The following CDH12 variants were observed in gnomAD, a reference collection of about 807,000 sequenced individuals.
The protein encoded by CDH12 is cadherin-12.
A neutral mutation model predicts 74.1 loss-of-function variants in CDH12; 41 were observed. The observed-to-expected ratio is 0.55, with a 90% CI of 0.43 to 0.72. CDH12 has a LOEUF of 0.72. CDH12 is among the 30% of genes least tolerant of loss of function. The probability of loss-of-function intolerance (pLI) is 0.00; values close to 1 mark genes in which losing one functional copy is unlikely to be tolerated. For missense variants in CDH12, 945 were observed against 977.2 expected (o/e 0.97, Z 0.44); for synonymous variants, 399 against 355.0 (o/e 1.12, Z -1.39).
intron 1 of CDH12, among the ~76,000 whole-genome samples, chr5:22,664,091 T>C (rs1424802702): frequency 6.6e-6 from 1 of 152,212 alleles, no homozygotes; most frequent in Non-Finnish European, 1.5e-5. Context: ...AAATATTTAA[T>C]GGATTATCAA....
chr5:22,249,638 A>T (rs953262274), intron 3 of CDH12, among the ~76,000 whole-genome samples: 1 of 152,200 alleles, frequency 6.6e-6, no homozygotes, highest in Non-Finnish European at 1.5e-5. Context: ...TTCAGAATGG[A>T]ATCATCAACC....
Position 22,175,848 on chromosome 5 carries a change from G to GT in CDH12, c.-187+36649_-187+36650insA, listed in dbSNP as rs1276993787. Among the ~76,000 whole-genome samples, 6 of 152,060 alleles carry GT rather than the reference G, an allele frequency of 3.9e-5. No homozygotes were observed. In the South Asian group the frequency reaches 1.0e-3, roughly 26 times the overall value. On this transcript the variant is annotated intron_variant, in intron 4 of 14. Transcript: ENST00000382254. The stretch of plus-strand genomic sequence containing the variant: ...TCACCTGAACTAGCGCAATAAATAG[G>GT]ACCAGAGGCTGAGCTCAGGAGCTTT...
intron 2 of CDH12, among the ~76,000 whole-genome samples, chr5:22,453,131 G>C (rs185088848): frequency 9.2e-4 from 140 of 152,106 alleles, no homozygotes; most frequent in Non-Finnish European, 1.6e-3. Flanking sequence ...ATACACTGTT[G>C]ATGGGAATGT....
At chr5:22,302,769 G>T (rs952641936) in intron 3 of CDH12, among the ~76,000 whole-genome samples, 5 of 152,168 alleles carry the variant, frequency 3.3e-5, no homozygotes, top group South Asian at 2.1e-4. Context: ...ATGAACTATT[G>T]TTTATTGTTT....
intron 1 of CDH12, among the ~76,000 whole-genome samples, chr5:22,644,866 G>C (rs563105336): frequency 7.7e-4 from 117 of 152,098 alleles, no homozygotes; most frequent in Non-Finnish European, 9.7e-4. Context: ...GGGCCTTTAA[G>C]AACTATTTTA....
chr5:22,518,684 T>C (rs552809399), intron 1 of CDH12, among the ~76,000 whole-genome samples: 8 of 152,312 alleles, frequency 5.3e-5, no homozygotes, highest in African/African-American at 1.9e-4. Context: ...TTTCACAATA[T>C]TGACCTTATC....
chr5:21,848,168 G>A (rs770402173), intron 7 of CDH12, among the ~76,000 whole-genome samples: 33 of 152,030 alleles, frequency 2.2e-4, no homozygotes, highest in Non-Finnish European at 3.8e-4. Flanking sequence ...GGGGTTATTA[G>A]TATTTACCTA....
intron 1 of CDH12, among the ~76,000 whole-genome samples, chr5:22,753,731 T>C (rs1167391001): frequency 6.6e-6 from 1 of 151,668 alleles, no homozygotes; most frequent in African/African-American, 2.4e-5. Context: ...TACATATATA[T>C]GTATATACAT....
intron 5 of CDH12, among the ~76,000 whole-genome samples, chr5:22,067,461 C>T (rs1358470875): frequency 6.6e-6 from 1 of 152,174 alleles, no homozygotes; most frequent in African/African-American, 2.4e-5. Context: ...AGGTACATTA[C>T]TCTGGCCCAT....
intron 2 of CDH12, among the ~76,000 whole-genome samples, chr5:22,479,597 G>T (rs115367128): frequency 5.9e-5 from 9 of 152,186 alleles, no homozygotes; most frequent in African/African-American, 1.9e-4. Context: ...GAGAATTCCT[G>T]GTGTTACCTA....
At chr5:22,258,285 C>T (rs922897400) in intron 3 of CDH12, among the ~76,000 whole-genome samples, 6 of 152,036 alleles carry the variant, frequency 3.9e-5, no homozygotes, top group African/African-American at 1.4e-4. Context: ...GTCTCAGGCC[C>T]GTGCCCATCC....
chr5:21,967,265 T>C (rs532517526), intron 6 of CDH12, among the ~76,000 whole-genome samples: 11 of 152,264 alleles, frequency 7.2e-5, no homozygotes, highest in African/African-American at 2.2e-4. Context: ...CCAGAGACAA[T>C]TGGGCCAACG....
At chr5:22,211,504 T>C (rs1751540811) in intron 4 of CDH12, among the ~76,000 whole-genome samples, 2 of 152,052 alleles carry the variant, frequency 1.3e-5, no homozygotes, top group African/African-American at 4.8e-5. Context: ...AAATTTATCA[T>C]AATATGGAGT....
chr5:22,403,594 C>T (rs544108165), intron 3 of CDH12, among the ~76,000 whole-genome samples: 5 of 152,060 alleles, frequency 3.3e-5, no homozygotes, highest in Non-Finnish European at 5.9e-5. Flanking sequence ...TATTTATGAC[C>T]AGAACCAAAG....
intron 1 of CDH12, among the ~76,000 whole-genome samples, chr5:22,588,514 A>T (rs898213527): frequency 2.6e-5 from 4 of 152,186 alleles, no homozygotes; most frequent in Non-Finnish European, 5.9e-5. Context: ...CTGGTTTGGG[A>T]TTAATTTGCA....
intron 3 of CDH12, among the ~76,000 whole-genome samples, chr5:22,289,853 G>C (rs1397937220): frequency 6.6e-6 from 1 of 152,114 alleles, no homozygotes; most frequent in East Asian, 1.9e-4. Context: ...CCTGAGGAAT[G>C]AATCACTAGA....
At chr5:22,411,408 G>C (rs966990082) in intron 2 of CDH12, among the ~76,000 whole-genome samples, 6 of 151,870 alleles carry the variant, frequency 4.0e-5, no homozygotes, top group Admixed American at 6.6e-5. Flanking sequence ...TAAATGGTAG[G>C]AAAGAGGTTT....
chr5:22,762,648 A>T (rs1746288130), intron 1 of CDH12, among the ~76,000 whole-genome samples: 1 of 152,036 alleles, frequency 6.6e-6, no homozygotes, highest in Non-Finnish European at 1.5e-5. Flanking sequence ...GGTCAAATTG[A>T]CTTAATCATT....
chr5:22,610,156 C>T (rs1737324116), intron 1 of CDH12, among the ~76,000 whole-genome samples: 1 of 152,184 alleles, frequency 6.6e-6, no homozygotes, highest in South Asian at 2.1e-4. Context: ...ACTATATATT[C>T]TCCTTGCTTT....
Sources: gnomAD v4.1 joint callset for allele counts (sites outside exome capture counted in the v4.1 genomes callset) on GRCh38, gnomAD v4.1.1 for gene constraint, MANE v1.5 for transcripts, NCBI Gene and HGNC (gene_info 2026-07-23, HGNC 2026-07-21) for gene names.